The following RNF17 variants were observed in gnomAD, a reference collection of about 807,000 sequenced individuals.
RNF17 encodes ring finger protein 17, also known as spermatogenesis associated 23.
RNF17 carries 31 observed loss-of-function variants against 200.5 expected under a neutral mutation model. The ratio of observed to expected loss-of-function variants is 0.15; its 90% CI spans 0.12 to 0.21. RNF17 has a LOEUF of 0.21. RNF17 is among the 10% of genes least tolerant of loss of function. RNF17 has a pLI of 1.00. For missense variants in RNF17, 1,628 were observed against 1,905.1 expected, an observed-to-expected ratio of 0.85 and a Z score of 2.71; for synonymous variants, 606 against 637.8, an observed-to-expected ratio of 0.95 and a Z score of 0.75.
intron 16 of RNF17, among the ~76,000 whole-genome samples, chr13:24,827,167 A>G (rs1433897875): frequency 6.6e-6 from 1 of 151,908 alleles, no homozygotes; most frequent in African/African-American, 2.4e-5. Context: ...CCTGACCTCG[A>G]GTGATCTGCC....
intron 9 of RNF17, among the ~76,000 whole-genome samples, chr13:24,792,161 C>A (rs747104794): frequency 6.6e-6 from 1 of 152,096 alleles, no homozygotes; most frequent in Non-Finnish European, 1.5e-5. Context: ...GGTTACTATC[C>A]GCATTTCTAA....
intron 32 of RNF17, among the ~76,000 whole-genome samples, chr13:24,872,747 G>A (rs1204783090): frequency 1.3e-5 from 2 of 152,166 alleles, no homozygotes; most frequent in African/African-American, 4.8e-5. Flanking sequence ...TGGTCATGTT[G>A]GAGCTGGGCT....
Position 24,877,081 on chromosome 13 carries a change from G to C in RNF17, c.4668G>C (p.Arg1556Ser). Reference sequence around the variant, plus strand: ...TGGCAGGGTTTAAACCTCCCTTAAGGGATCTAGGGGAGACAAGAATACCAT... The same window carrying C: ...TGGCAGGGTTTAAACCTCCCTTAAGCGATCTAGGGGAGACAAGAATACCAT... ...VLLAGFKPPL[R>S]DLGETRIPYC... is the part of the protein sequence containing the mutation. The change falls in exon 34 of 36, where the codon AGG (arginine) becomes AGC (serine). Residue 1556 changes from arginine (R) to serine (S), a missense_variant. This residue lies in a region of RNF17 where 609 missense variants were observed against 681.9 expected (regional missense o/e 0.89). Coordinates refer to ENST00000255324, the MANE Select transcript of RNF17 (RefSeq NM_031277.3). The C allele has an allele frequency of 6.2e-7, 1 of 1,612,618 alleles. No individual in the cohort carries two copies. The highest frequency in any genetic ancestry group is 8.5e-7 in the Non-Finnish European group (1 of 1,178,940).
chr13:24,750,231 G>A, the RNF17 span, among the ~76,000 whole-genome samples: 1 of 152,162 alleles, frequency 6.6e-6, no homozygotes, highest in South Asian at 2.1e-4. Context: ...ATGGCACACT[G>A]TGGCCTGTCA....
At chr13:24,773,441 T>C (rs759287742) in intron 2 of RNF17, among the ~76,000 whole-genome samples, 2 of 152,102 alleles carry the variant, frequency 1.3e-5, no homozygotes, top group Non-Finnish European at 2.9e-5. Flanking sequence ...CCTAAGCAAA[T>C]TAATGCAGAA....
At chr13:24,879,325 G>A (rs1895197178) in intron 35 of RNF17, 30 bp downstream of exon 35, 2 of 1,366,692 alleles carry the variant, frequency 1.5e-6, no homozygotes, top group Non-Finnish European at 2.1e-6. Context: ...ATAGCATAAG[G>A]CATGGGACTA....
chr13:24,822,256 T>G (rs558909968), intron 15 of RNF17, among the ~76,000 whole-genome samples: 1 of 152,218 alleles, frequency 6.6e-6, no homozygotes, highest in South Asian at 2.1e-4. Flanking sequence ...GGAGCCGCCA[T>G]TTTGAACAGG....
At chr13:24,875,837 A>C (rs1894800000) in intron 33 of RNF17, among the ~76,000 whole-genome samples, 1 of 152,348 alleles carries the variant, frequency 6.6e-6, no homozygotes, top group African/African-American at 2.4e-5. Flanking sequence ...GGAAAGCCAA[A>C]GAATGACAAC....
chr13:24,785,861 C>T (rs185442084), intron 6 of RNF17, among the ~76,000 whole-genome samples: 1 of 152,098 alleles, frequency 6.6e-6, no homozygotes, highest in African/African-American at 2.4e-5. Flanking sequence ...TTTAAATTAT[C>T]GGCATGTATT....
At chr13:24,785,609 A>T (rs1331157179) in intron 6 of RNF17, among the ~76,000 whole-genome samples, 1 of 152,132 alleles carries the variant, frequency 6.6e-6, no homozygotes, top group Admixed American at 6.5e-5. Context: ...TGTTGGGTCC[A>T]ATCAGTCTAT....
chr13:24,814,496 T>G (rs1887151970), intron 15 of RNF17, among the ~76,000 whole-genome samples: 1 of 152,236 alleles, frequency 6.6e-6, no homozygotes, highest in East Asian at 1.9e-4. Flanking sequence ...TGCTTTCTTC[T>G]AAGAGTTTTA....
chr13:24,777,390 G>A (rs1412781698), intron 3 of RNF17, among the ~76,000 whole-genome samples: 1 of 152,210 alleles, frequency 6.6e-6, no homozygotes. Context: ...AAAAATAGCT[G>A]GGCATGATGG....
chr13:24,859,622 A>T (rs978423346), intron 26 of RNF17, among the ~76,000 whole-genome samples: 13 of 151,810 alleles, frequency 8.6e-5, no homozygotes, highest in Admixed American at 3.9e-4. Context: ...TATATATATA[A>T]AATATAGATG....
chr13:24,758,546 T>C, the RNF17 span, among the ~76,000 whole-genome samples: 1 of 152,278 alleles, frequency 6.6e-6, no homozygotes, highest in African/African-American at 2.4e-5. Flanking sequence ...CTTAATAACC[T>C]GAATCTCACC....
chr13:24,789,923 T>C, intron 9 of RNF17, 151 bp downstream of exon 9: 2 of 591,710 alleles, frequency 3.4e-6, no homozygotes, highest in Non-Finnish European at 6.0e-6. Context: ...TATAATGTTT[T>C]TTAAAAGGCC....
chr13:24,817,192 A>G (rs1887506286), intron 15 of RNF17, among the ~76,000 whole-genome samples: 1 of 152,088 alleles, frequency 6.6e-6, no homozygotes. Flanking sequence ...GAATGGTGTT[A>G]ATTCTTCTTT....
Position 24,804,295 on chromosome 13 carries a change from T to G in RNF17, c.1957T>G (p.Ser653Ala). The change falls in exon 15 of 36, where the codon TCA (serine) becomes GCA (alanine). Residue 653 changes from serine (S) to alanine (A), a missense_variant. Transcript: ENST00000255324. ...CATTATGCTTTTAATTAGGTTTAAGTCACAATCACTAAGAAGTCACTTTGA... is the reference window on the plus strand; with the variant it reads ...CATTATGCTTTTAATTAGGTTTAAGGCACAATCACTAAGAAGTCACTTTGA... ...LVFMELAKFK[S>A]QSLRSHFEKN... 1.2e-6 allele frequency: 2 copies of G among 1,612,628 alleles called. No homozygotes were observed. The highest frequency in any genetic ancestry group is 8.5e-7 in the Non-Finnish European group (1 of 1,179,104).
rs961240930 is a variant in RNF17, at chr13:24,789,311, A to G, written c.784-37A>G. ...TTACTGTTCAGCAATATTTGTGACA[A>G]GATTCACACATGAATGATTTTTTTT... is the stretch of plus-strand genomic sequence containing the variant. On this transcript the variant is annotated intron_variant, in intron 7 of 35. Coordinates refer to ENST00000255324, the MANE Select transcript of RNF17 (RefSeq NM_031277.3). 3.8e-6 allele frequency: 5 copies of G among 1,321,932 alleles called. No individual in the cohort carries two copies. In the African/African-American group the frequency reaches 7.3e-5, roughly 19 times the overall value. The allele number at this position is 1,321,932 out of a possible 1,614,324, so 81.9% of individuals were successfully genotyped here.
intron 15 of RNF17, among the ~76,000 whole-genome samples, chr13:24,809,106 C>T (rs1282030811): frequency 2.0e-5 from 3 of 151,038 alleles, no homozygotes; most frequent in Admixed American, 2.0e-4. Flanking sequence ...CTAAAATTCT[C>T]TTTTTTGGTT....
Sources: gnomAD v4.1 joint callset for allele counts (sites outside exome capture counted in the v4.1 genomes callset) on GRCh38, gnomAD v4.1.1 for gene constraint, gnomAD v4.1.1 regional missense constraint, MANE v1.5 for transcripts, NCBI Gene and HGNC (gene_info 2026-07-23, HGNC 2026-07-21) for gene names.